The following ZFP36L2 variants were observed in gnomAD, a reference collection of about 807,000 sequenced individuals.
The protein encoded by ZFP36L2 is mRNA decay activator protein ZFP36L2.
Under a neutral mutation model 27.9 loss-of-function variants are expected in ZFP36L2, and 16 were observed. The ratio of observed to expected loss-of-function variants is 0.57; its 90% CI spans 0.39 to 0.87. The LOEUF (loss-of-function observed/expected upper bound fraction) is 0.87, where lower values mean the gene tolerates loss of function less well. ZFP36L2 is among the 40% of genes least tolerant of loss of function. The probability of loss-of-function intolerance (pLI) is 0.00; values close to 1 mark genes in which losing one functional copy is unlikely to be tolerated. For synonymous variants in ZFP36L2, 600 were observed against 363.8 expected (o/e 1.65, Z -7.39); for missense variants, 989 against 726.9 (o/e 1.36, Z -4.15).
Position 43,224,387 on chromosome 2 carries a change from C to T in ZFP36L2, c.1417G>A (p.Glu473Lys). 1.3e-6 allele frequency: 2 copies of T among 1,563,144 alleles called. No individual in the cohort carries two copies. Among genetic ancestry groups the T allele is most frequent in the Non-Finnish European group, 1.7e-6 (2 of 1,160,472 alleles). The change falls in exon 2 of 2, where the codon GAG becomes AAG. Residue 473 changes from glutamate to lysine, a missense_variant. By Grantham distance (56) the Glu-to-Lys change is moderately conservative. Coordinates refer to ENST00000282388, the MANE Select transcript of ZFP36L2 (RefSeq NM_006887.5). ...CGGCCAGGGTCGAGGCTGGGAGACT[C>T]AGAGCCGCTGAGGCTGCCGGAGCTC... Reference protein sequence around the residue: ...SLSSGSLSGSESPSLDPGRRL... With the variant: ...SLSSGSLSGSKSPSLDPGRRL...
Position 43,224,629 on chromosome 2 carries a change from T to C in ZFP36L2, c.1175A>G (p.Tyr392Cys). Residue 392 changes from tyrosine to cysteine, a missense_variant, in exon 2 of 2, where the codon TAC (tyrosine) becomes TGC (cysteine). Coordinates refer to ENST00000282388, the MANE Select transcript of ZFP36L2 (RefSeq NM_006887.5). ...NFAAVAAAAY[Y>C]RSQQQQQQQG... Reference sequence around the variant, plus strand: ...CTGCTGCTGCTGCTGCTGACTGCGGTAGTAGGCGGCGGCGGCCACGGCGGC... The same window carrying C: ...CTGCTGCTGCTGCTGCTGACTGCGGCAGTAGGCGGCGGCGGCCACGGCGGC... The C allele has an allele frequency of 6.7e-7, 1 of 1,485,834 alleles. No individual in the cohort carries two copies. Among genetic ancestry groups the C allele is most frequent in the Non-Finnish European group, 8.9e-7 (1 of 1,121,170 alleles). The allele number at this position is 1,485,834 out of a possible 1,614,324, so 92.0% of individuals were successfully genotyped here. A position where few individuals can be genotyped will look rare whatever the true frequency, so the allele number is the denominator to read the frequency against.
chr2:43,224,814 CGCAGCCGCGGCCGCCGCG>C lies in ZFP36L2; in HGVS notation c.972_989del (p.Ala327_Ala332del). 1 of 1,421,910 alleles carries C rather than the reference CGCAGCCGCGGCCGCCGCG, an allele frequency of 7.0e-7. No homozygotes were observed. The highest frequency in any genetic ancestry group is 9.1e-7 in the Non-Finnish European group (1 of 1,101,524). 88.1% of individuals were successfully genotyped at this position (1,421,910 alleles called of 1,614,324 possible). On this transcript the variant is annotated inframe_deletion, in exon 2 of 2. Transcript: ENST00000282388. Reference sequence around the variant, plus strand: ...CCCCGGTGCCGTACAGCAGAGCGGCCGCAGCCGCGGCCGCCGCGGAGGCGCAGCATGTCGGGGCGCCCG... The same window carrying C: ...CCCCGGTGCCGTACAGCAGAGCGGCCGAGGCGCAGCATGTCGGGGCGCCCG...
chr2:43,222,438 TACAAA>T lies in ZFP36L2; in HGVS notation c.*1876_*1880del, dbSNP rs1303765703. 1 of 152,356 alleles carries T rather than the reference TACAAA, an allele frequency of 6.6e-6. No individual in the cohort carries two copies. The highest frequency in any genetic ancestry group is 2.4e-5 in the African/African-American group (1 of 41,472). 9.4% of individuals were successfully genotyped at this position (152,356 alleles called of 1,614,324 possible). A position where few individuals can be genotyped will look rare whatever the true frequency, so the allele number is the denominator to read the frequency against. ...CCCAAAAATTTTATTGGGGGAAAAC[TACAAA>T]ACATTTACAGTACAATGTTTACAGT... On this transcript the variant is annotated 3_prime_UTR_variant, in exon 2 of 2. Coordinates refer to ENST00000282388, the MANE Select transcript of ZFP36L2 (RefSeq NM_006887.5).
rs1558429917 is a variant in ZFP36L2, at chr2:43,226,511, G to A, written c.-196C>T. On this transcript the variant is annotated 5_prime_UTR_variant, in exon 1 of 2. Coordinates refer to ENST00000282388, the MANE Select transcript of ZFP36L2 (RefSeq NM_006887.5). The stretch of plus-strand genomic sequence containing the variant: ...GAGGGTCCGGCGGAGTGCGGCAGGG[G>A]GGAAGGAGAGAAGCGAGGAGCGCTC... 6.3e-6 allele frequency: 4 copies of A among 632,370 alleles called. No homozygotes were observed. The highest frequency in any genetic ancestry group is 2.0e-5 in the South Asian group (1 of 50,498). The allele number at this position is 632,370 out of a possible 1,614,324, so 39.2% of individuals were successfully genotyped here. A position where few individuals can be genotyped will look rare whatever the true frequency, so the allele number is the denominator to read the frequency against.
rs767752786 is a variant in ZFP36L2, at chr2:43,223,320, G to A, written c.*999C>T. On this transcript the variant is annotated 3_prime_UTR_variant, in exon 2 of 2. Transcript: ENST00000282388. Reference sequence around the variant, plus strand: ...CAAAAGGCATATATTACTGTGAAAAGAACATACACTCCACATTTTGCCGAT... The same window carrying A: ...CAAAAGGCATATATTACTGTGAAAAAAACATACACTCCACATTTTGCCGAT... The A allele has an allele frequency of 7.2e-5, 11 of 152,138 alleles. No individual in the cohort carries two copies. Among genetic ancestry groups the A allele is most frequent in the Non-Finnish European group, 1.6e-4 (11 of 67,992 alleles). 9.4% of individuals were successfully genotyped at this position (152,138 alleles called of 1,614,324 possible). A position where few individuals can be genotyped will look rare whatever the true frequency, so the allele number is the denominator to read the frequency against.
At position 43,225,647 on chromosome 2, in the gene ZFP36L2, GGAATCCCGGCGC is replaced by G; in HGVS notation, c.145_156del (p.Ala49_Phe52del). ...AGGTTGCTGGCCGAGTGCCGTCGGA[GGAATCCCGGCGC>G]GAAGCCCGAGCTGGGGGCGGCGGCC... On this transcript the variant is annotated inframe_deletion, in exon 2 of 2. Coordinates refer to ENST00000282388, the MANE Select transcript of ZFP36L2 (RefSeq NM_006887.5). The G allele has an allele frequency of 6.3e-7, 1 of 1,581,230 alleles. No homozygotes were observed. Among genetic ancestry groups the G allele is most frequent in the Non-Finnish European group, 8.5e-7 (1 of 1,171,968 alleles).
Position 43,225,031 on chromosome 2 carries a change from AGGCTGTGGTGCAACTTGGGCCGC to A in ZFP36L2, c.750_772del (p.Arg251GlnfsTer215). 1 of 1,595,354 alleles carries A rather than the reference AGGCTGTGGTGCAACTTGGGCCGC, an allele frequency of 6.3e-7. No homozygotes were observed. The highest frequency in any genetic ancestry group is 8.5e-7 in the Non-Finnish European group (1 of 1,178,596). Reference sequence around the variant, plus strand: ...GCCCGACGGGAAGCCCGAGAAGCTGAGGCTGTGGTGCAACTTGGGCCGCGGCTCCCGCGGGAAGCCCAGGTGCA... The same window carrying A: ...GCCCGACGGGAAGCCCGAGAAGCTGAGGCTCCCGCGGGAAGCCCAGGTGCA... On this transcript the variant is annotated frameshift_variant, in exon 2 of 2. Transcript: ENST00000282388. LOFTEE classifies it high-confidence loss of function.
At position 43,224,853 on chromosome 2, in the gene ZFP36L2, G is replaced by T; in HGVS notation, c.951C>A (p.Gly317=). ...CCGCGGAGGCGCAGCATGTCGGGGC[G>T]CCCGAGGGCGTGGAGGCCGCGGAGG... The part of the protein sequence containing the change: ...SSASAASTPS[G]APTCCASAAA... Residue 317 remains glycine, a synonymous_variant, in exon 2 of 2, where the codon GGC becomes GGA. Coordinates refer to ENST00000282388, the MANE Select transcript of ZFP36L2 (RefSeq NM_006887.5). 1 of 1,469,880 alleles carries T rather than the reference G, an allele frequency of 6.8e-7. No homozygotes were observed. The highest frequency in any genetic ancestry group is 8.9e-7 in the Non-Finnish European group (1 of 1,123,920). The allele number at this position is 1,469,880 out of a possible 1,614,324, so 91.1% of individuals were successfully genotyped here.
chr2:43,225,115 G>A lies in ZFP36L2; in HGVS notation c.689C>T (p.Ser230Phe). 2 of 1,594,260 alleles carry A rather than the reference G, an allele frequency of 1.3e-6. No individual in the cohort carries two copies. Among genetic ancestry groups the A allele is most frequent in the Non-Finnish European group, 8.5e-7 (1 of 1,177,678 alleles). The change falls in exon 2 of 2, where the codon TCC (serine) becomes TTC (phenylalanine). Residue 230 changes from serine to phenylalanine, a missense_variant. Transcript: ENST00000282388. ...ERRPAPSGGA[S>F]GDLRAFGTRD... Reference sequence around the variant, plus strand: ...CGTGCCAAAGGCACGCAGGTCCCCGGAGGCGCCCCCCGACGGCGCGGGCCG... The same window carrying A: ...CGTGCCAAAGGCACGCAGGTCCCCGAAGGCGCCCCCCGACGGCGCGGGCCG...
rs1475325553 is a variant in ZFP36L2, at chr2:43,224,352, T to G, written c.1452A>C (p.Pro484=). ...SPSLDPGRRL[P]IFSRLSISDD Reference sequence around the variant, plus strand: ...CGGAGATGGAGAGGCGGCTGAAGATTGGCAGGCGGCGGCCAGGGTCGAGGC... The same window carrying G: ...CGGAGATGGAGAGGCGGCTGAAGATGGGCAGGCGGCGGCCAGGGTCGAGGC... Residue 484 remains proline (P), a synonymous_variant, in exon 2 of 2, where the codon CCA becomes CCC. Transcript: ENST00000282388. 1.9e-6 allele frequency: 3 copies of G among 1,562,240 alleles called. No individual in the cohort carries two copies. Among genetic ancestry groups the G allele is most frequent in the Non-Finnish European group, 2.6e-6 (3 of 1,159,622 alleles).
chr2:43,225,928 C>T (rs954850957), intron 1 of ZFP36L2, among the ~76,000 whole-genome samples, 176 bp from the exon 2 acceptor site: 5 of 152,182 alleles, frequency 3.3e-5, no homozygotes, highest in African/African-American at 1.2e-4. Flanking sequence ...CAAGATCTTG[C>T]TGGACGGAGC....
In ZFP36L2 at chr2:43,224,939, G is replaced by T; in HGVS notation, c.865C>A (p.Pro289Thr). ...LLDSPTSRTP[P>T]PPSCSSASSC... ...GAGGCCGAAGAGCAGGAGGGCGGCG[G>T]CGGCGTGCGCGACGTGGGGCTGTCG... Residue 289 changes from proline (P) to threonine (T), a missense_variant, in exon 2 of 2, where the codon CCG becomes ACG. Transcript: ENST00000282388. 2 of 1,551,702 alleles carry T rather than the reference G, an allele frequency of 1.3e-6. No individual in the cohort carries two copies. Among genetic ancestry groups the T allele is most frequent in the South Asian group, 1.2e-5 (1 of 85,392 alleles).
chr2:43,226,316 G>C lies in ZFP36L2; in HGVS notation c.-1C>G. On this transcript the variant is annotated 5_prime_UTR_variant, in exon 1 of 2. Coordinates refer to ENST00000282388, the MANE Select transcript of ZFP36L2 (RefSeq NM_006887.5). ...AGGCGGACAGAAGTGTGGTCGACATGTTTCTGGATCCCGCAGTGGCCGGAG... is the reference window on the plus strand; with the variant it reads ...AGGCGGACAGAAGTGTGGTCGACATCTTTCTGGATCCCGCAGTGGCCGGAG... 1.3e-6 allele frequency: 2 copies of C among 1,583,588 alleles called. No homozygotes were observed. Among genetic ancestry groups the C allele is most frequent in the Non-Finnish European group, 1.7e-6 (2 of 1,163,764 alleles).
intron 1 of ZFP36L2, among the ~76,000 whole-genome samples, chr2:43,226,006 C>T (rs371034667): frequency 1.3e-5 from 2 of 151,618 alleles, no homozygotes; most frequent in Admixed American, 1.3e-4. Context: ...CCCCGGCTGC[C>T]GAGGTGGGCG....
At position 43,225,270 on chromosome 2, in the gene ZFP36L2, A is replaced by C. The variant is rs1667064417; in HGVS notation, c.534T>G (p.His178Gln). 6.2e-7 allele frequency: 1 copy of C among 1,611,304 alleles called. No homozygotes were observed. Among genetic ancestry groups the C allele is most frequent in the Non-Finnish European group, 8.5e-7 (1 of 1,179,932 alleles). ...TCAGGCTGCGCAGCTCGTGGAAGCC[A>C]TGCGCGAACTGGCACTTTTCGCCGT... ...CKYGEKCQFA[H>Q]GFHELRSLTR... is the part of the protein sequence containing the mutation. Residue 178 changes from histidine to glutamine, a missense_variant, in exon 2 of 2, where the codon CAT becomes CAG. Coordinates refer to ENST00000282388, the MANE Select transcript of ZFP36L2 (RefSeq NM_006887.5).
Position 43,224,160 on chromosome 2 carries a change from C to T in ZFP36L2, c.*159G>A, listed in dbSNP as rs1458878948. The T allele has an allele frequency of 1.6e-6, 1 of 631,290 alleles. No homozygotes were observed. Among genetic ancestry groups the T allele is most frequent in the Non-Finnish European group, 2.3e-6 (1 of 435,296 alleles). The allele number at this position is 631,290 out of a possible 1,614,324, so 39.1% of individuals were successfully genotyped here. On this transcript the variant is annotated 3_prime_UTR_variant, in exon 2 of 2. Coordinates refer to ENST00000282388, the MANE Select transcript of ZFP36L2 (RefSeq NM_006887.5). ...AAGGAGGGGTGGGGGCCCCTCCCGG[C>T]ACAGAGTTCGAGTCCAAGTGCTCGG...
In ZFP36L2 at chr2:43,224,017, G is replaced by C. The variant is rs1441282796; in HGVS notation, c.*302C>G. On this transcript the variant is annotated 3_prime_UTR_variant, in exon 2 of 2. Coordinates refer to ENST00000282388, the MANE Select transcript of ZFP36L2 (RefSeq NM_006887.5). ...TTTTTTTTTTTTTTTTGTTCTATTC[G>C]TATCACAACTGCCCTGTTGTGAATA... is the stretch of plus-strand genomic sequence containing the variant. The C allele has an allele frequency of 4.9e-5, 13 of 266,600 alleles. No homozygotes were observed. The highest frequency in any genetic ancestry group is 6.8e-5 in the Non-Finnish European group (10 of 147,330). 16.5% of individuals were successfully genotyped at this position (266,600 alleles called of 1,614,324 possible).
rs1465891543 is a variant in ZFP36L2, at chr2:43,225,439, C to A, written c.365G>T (p.Arg122Leu). The A allele has an allele frequency of 1.9e-6, 3 of 1,612,562 alleles. No homozygotes were observed. The highest frequency in any genetic ancestry group is 2.5e-6 in the Non-Finnish European group (3 of 1,179,602). The change falls in exon 2 of 2, where the codon CGC (arginine) becomes CTC (leucine). Residue 122 changes from arginine (R) to leucine (L), a missense_variant. Arg to Leu is a moderately radical substitution (Grantham distance 102). Coordinates refer to ENST00000282388, the MANE Select transcript of ZFP36L2 (RefSeq NM_006887.5). ...GCGATCGCCGTTCTCGCTAAACGAG[C>A]GGTCCCGGAATTTGTTCTCCTTGTT... The part of the protein sequence containing the change: ...LLNKENKFRD[R>L]SFSENGDRSQ...
chr2:43,224,285 G>GCCTTCC lies in ZFP36L2; in HGVS notation c.*28_*33dup. On this transcript the variant is annotated 3_prime_UTR_variant, in exon 2 of 2. Transcript: ENST00000282388. The stretch of plus-strand genomic sequence containing the variant: ...GGGTGTCCTCCAACATCTCTGAACC[G>GCCTTCC]CCTTCCCTTCCTCCTCACTGGCGCC... 1 of 1,514,528 alleles carries GCCTTCC rather than the reference G, an allele frequency of 6.6e-7. No homozygotes were observed. The highest frequency in any genetic ancestry group is 2.1e-5 in the Admixed American group (1 of 48,540). The allele number at this position is 1,514,528 out of a possible 1,614,324, so 93.8% of individuals were successfully genotyped here.
Sources: allele counts gnomAD v4.1 joint callset (sites outside exome capture counted in the v4.1 genomes callset), GRCh38; gene constraint gnomAD v4.1.1; transcripts MANE v1.5; gene names NCBI Gene and HGNC (gene_info 2026-07-23, HGNC 2026-07-21).